Variants in ADGRD1 observed in about 807,000 individuals in gnomAD.
The protein encoded by ADGRD1 is adhesion G protein-coupled receptor D1.
Under a neutral mutation model 113.4 loss-of-function variants are expected in ADGRD1, and 77 were observed. That is an observed-to-expected ratio of 0.68 (90% CI 0.57 to 0.82). The LOEUF (loss-of-function observed/expected upper bound fraction) is 0.82. Ranked by LOEUF, ADGRD1 falls within the 40% of genes least tolerant of loss-of-function variation. The pLI is 0.00. For missense variants in ADGRD1, 1,036 were observed against 1,139.1 expected (o/e 0.91, Z 1.30); for synonymous variants, 474 against 475.0 (o/e 1.00, Z 0.03).
rs148751019 is a variant in ADGRD1 at position 131,003,256 on chromosome 12, C to T, written c.1098C>T (p.His366=). 8.0e-4 allele frequency: 1,291 copies of T among 1,614,048 alleles called. 9 individuals carry two copies. The highest frequency in any genetic ancestry group is 6.0e-4 in the East Asian group (27 of 44,882). ...TVMGHVSSNL[H]GSTPQVTVEG... ...TGGGCCATGTATCCTCCAACCTGCA[C>T]GGCAGCACGCCCCAGGTCACCGTGG... The change falls in exon 10 of 25, where the codon CAC becomes CAT. Residue 366 remains histidine (H), a synonymous_variant. Transcript: ENST00000261654. The surrounding 1 kb of genome is among the most constrained non-coding windows in gnomAD (Gnocchi z 4.8).
At chr12:131,097,772 C>T (rs1438015263) in intron 15 of ADGRD1, among the ~76,000 whole-genome samples, 5 of 152,162 alleles carry the variant, frequency 3.3e-5, no homozygotes, top group African/African-American at 1.2e-4. Context: ...ACAGGGTGGG[C>T]GTCAAAGGTT....
rs1871681247 is a variant in ADGRD1, at chr12:130,971,676, C to T, written c.310+96C>T. ...CTGGAAGATGTGAACCTGAGGTTCT[C>T]ATCAATTGCAGAATGCGTGAGAATG... On this transcript the variant is annotated intron_variant, in intron 4 of 24. Coordinates refer to ENST00000261654, the MANE Select transcript of ADGRD1 (RefSeq NM_198827.5). The surrounding 1 kb of genome is among the most constrained non-coding windows in gnomAD (Gnocchi z 4.2). 1.5e-6 allele frequency: 2 copies of T among 1,326,192 alleles called. No individual in the cohort carries two copies. The highest frequency in any genetic ancestry group is 2.1e-6 in the Non-Finnish European group (2 of 969,980). The allele number at this position is 1,326,192 out of a possible 1,614,324, so 82.2% of individuals were successfully genotyped here. A position where few individuals can be genotyped will look rare whatever the true frequency, so the allele number is the denominator to read the frequency against.
At chr12:131,056,244 G>A (rs1883848023) in intron 13 of ADGRD1, among the ~76,000 whole-genome samples, 1 of 152,224 alleles carries the variant, frequency 6.6e-6, no homozygotes, top group Admixed American at 6.5e-5. Context: ...ACACACATTA[G>A]AGGTTGTACT....
chr12:131,078,158 CT>C (rs1386341389), intron 14 of ADGRD1, among the ~76,000 whole-genome samples: 1 of 152,242 alleles, frequency 6.6e-6, no homozygotes, highest in Non-Finnish European at 1.5e-5. Flanking sequence ...GAGAAAGCGT[CT>C]CTGCTCCCTG....
chr12:131,021,599 G>C (rs954395783), intron 13 of ADGRD1, among the ~76,000 whole-genome samples: 1 of 152,156 alleles, frequency 6.6e-6, no homozygotes, highest in African/African-American at 2.4e-5. Flanking sequence ...CAAGATCAAG[G>C]TGTCGGTAGG....
Position 131,138,251 on chromosome 12 carries a change from C to T in ADGRD1, c.2529+22C>T, listed in dbSNP as rs148235181. The stretch of plus-strand genomic sequence containing the variant: ...CCTCGTGAGTGCAGCCTCCATAAAC[C>T]GAGGGTCCCAGCCCATCCTCCTTCC... On this transcript the variant is annotated intron_variant, in intron 24 of 24. Transcript: ENST00000261654. 41 of 1,601,584 alleles carry T rather than the reference C, an allele frequency of 2.6e-5. 1 individual carries two copies. Among genetic ancestry groups the T allele is most frequent in the South Asian group, 5.5e-5 (5 of 90,742 alleles).
chr12:131,036,132 C>T (rs980443588), intron 13 of ADGRD1, among the ~76,000 whole-genome samples: 4 of 152,160 alleles, frequency 2.6e-5, no homozygotes, highest in African/African-American at 9.7e-5. Flanking sequence ...CAGCAGGGTT[C>T]AGCCTTGCAG....
Position 131,017,429 on chromosome 12 carries a change from C to CCCAGTCCA in ADGRD1, c.1473+3090_1473+3091insCAGTCCAC, listed in dbSNP as rs1878720978. The stretch of plus-strand genomic sequence containing the variant: ...TCCACACACAGTCCATACCCAGTCC[C>CCCAGTCCA]CACACACCCAGTCCACATACACCCA... On this transcript the variant is annotated intron_variant, in intron 13 of 24. Coordinates refer to ENST00000261654, the MANE Select transcript of ADGRD1 (RefSeq NM_198827.5). 2.3e-5 allele frequency among the ~76,000 whole-genome samples: 3 copies of CCCAGTCCA among 129,280 alleles called. 1 individual carries two copies. The highest frequency in any genetic ancestry group is 4.8e-5 in the Non-Finnish European group (3 of 62,028). The allele number at this position is 129,280 out of a possible 152,430, so 84.8% of individuals were successfully genotyped here.
At chr12:130,992,427 G>A (rs1874537591) in intron 8 of ADGRD1, 35 bp downstream of exon 8, 1 of 1,580,296 alleles carries the variant, frequency 6.3e-7, no homozygotes, top group African/African-American at 1.4e-5. Context: ...TGGTGGACCG[G>A]GCGTGGCACC....
At chr12:131,059,450 G>A (rs1007909086) in intron 13 of ADGRD1, among the ~76,000 whole-genome samples, 1 of 152,084 alleles carries the variant, frequency 6.6e-6, no homozygotes, top group African/African-American at 2.4e-5. Context: ...CAAATTGCTG[G>A]GATTACAGAC....
chr12:130,991,146 G>C (rs992414473), intron 7 of ADGRD1, 68 bp downstream of exon 7: 26 of 1,320,388 alleles, frequency 2.0e-5, no homozygotes, highest in Admixed American at 3.4e-5. Flanking sequence ...TGCTGGGAGA[G>C]AGAAAATTCC....
At chr12:131,064,930 C>T (rs1029786132) in intron 13 of ADGRD1, among the ~76,000 whole-genome samples, 20 of 152,230 alleles carry the variant, frequency 1.3e-4, no homozygotes, top group Admixed American at 6.5e-5. Context: ...TTCCATCAAA[C>T]TGCCCAGCTC....
At chr12:131,132,475 A>C (rs1291779386) in intron 21 of ADGRD1, among the ~76,000 whole-genome samples, 1 of 152,196 alleles carries the variant, frequency 6.6e-6, no homozygotes, top group East Asian at 1.9e-4. Context: ...GCTGACTGTG[A>C]AGTCCGGAGC....
chr12:131,018,209 C>T (rs1212297644), intron 13 of ADGRD1, among the ~76,000 whole-genome samples: 1 of 152,218 alleles, frequency 6.6e-6, no homozygotes, highest in Non-Finnish European at 1.5e-5. Context: ...CCCCTCCTCT[C>T]CCACTCCTCC....
intron 13 of ADGRD1, among the ~76,000 whole-genome samples, chr12:131,028,972 G>T (rs1880298570): frequency 2.0e-5 from 3 of 152,232 alleles, no homozygotes; most frequent in Non-Finnish European, 4.4e-5. Context: ...GCCATGGGTG[G>T]GGCTCGGCAG....
At chr12:131,047,093 C>T (rs901529147) in intron 13 of ADGRD1, among the ~76,000 whole-genome samples, 6 of 152,150 alleles carry the variant, frequency 3.9e-5, no homozygotes, top group Non-Finnish European at 8.8e-5. Context: ...AGTGCTCCCT[C>T]CCTGGTCACT....
intron 13 of ADGRD1, 143 bp from the exon 14 acceptor site, chr12:131,076,658 A>G: frequency 1.4e-6 from 1 of 714,102 alleles, no homozygotes; most frequent in Non-Finnish European, 2.5e-6. Context: ...CCACACCCAC[A>G]ATGGATGGAG....
intron 15 of ADGRD1, among the ~76,000 whole-genome samples, chr12:131,089,943 G>A (rs562324805): frequency 2.4e-4 from 36 of 152,364 alleles, no homozygotes; most frequent in African/African-American, 7.9e-4. Flanking sequence ...AAAGCCCAGT[G>A]TGACTTCCTT....
intron 5 of ADGRD1, among the ~76,000 whole-genome samples, chr12:130,985,855 A>G (rs1045453594): frequency 2.0e-5 from 3 of 152,124 alleles, no homozygotes; most frequent in Non-Finnish European, 4.4e-5. Flanking sequence ...TCCGGCCAAG[A>G]TTCTTTTTAT....
Sources: gnomAD v4.1 joint callset for allele counts (sites outside exome capture counted in the v4.1 genomes callset) on GRCh38, gnomAD v4.1.1 for gene constraint, Gnocchi (gnomAD v3.1) non-coding constraint, MANE v1.5 for transcripts, NCBI Gene and HGNC (gene_info 2026-07-23, HGNC 2026-07-21) for gene names.